Variants in PCDH8 observed in about 807,000 individuals in gnomAD.
PCDH8 encodes the protein protocadherin 8.
PCDH8 carries 36 observed loss-of-function variants against 58.2 expected under a neutral mutation model. That is an observed-to-expected ratio of 0.62 (90% CI 0.47 to 0.82). The LOEUF (loss-of-function observed/expected upper bound fraction) is 0.82. Among genes scored for constraint, PCDH8 ranks in the 40% least tolerant of loss-of-function variants. PCDH8 has a pLI of 0.00. For missense variants in PCDH8, 1,493 were observed against 1,567.8 expected, an observed-to-expected ratio of 0.95 and a Z score of 0.81; for synonymous variants, 775 against 728.9, an observed-to-expected ratio of 1.06 and a Z score of -1.02.
chr13:52,844,607 G>C lies in PCDH8; in HGVS notation c.3166C>G (p.Pro1056Ala), dbSNP rs756386702. Residue 1056 changes from proline (P) to alanine (A), a missense_variant, in exon 3 of 3, where the codon CCT becomes GCT. Physicochemically the swap from Pro to Ala is conservative, Grantham distance 27. Around this residue, in one of 3 missense-constraint regions of PCDH8, gnomAD observed 182 missense variants for 178.9 expected, o/e 1.02. Coordinates refer to ENST00000377942, the MANE Select transcript of PCDH8 (RefSeq NM_002590.4). ...TTCTTCGGGGACAGGTACCTGCCAG[G>C]AGGGGACTGGTAGAGGGGTACTCCA... ...EIGVPLYQSPPGRYLSPKKGA... is the reference protein window; with the variant it reads ...EIGVPLYQSPAGRYLSPKKGA... 1 of 1,611,076 alleles carries C rather than the reference G, an allele frequency of 6.2e-7. No homozygotes were observed. Among genetic ancestry groups the C allele is most frequent in the Admixed American group, 1.7e-5 (1 of 59,712 alleles).
chr13:52,847,074 G>C lies in PCDH8; in HGVS notation c.1363C>G (p.Leu455Val), dbSNP rs1416615870. 9.6e-6 allele frequency: 15 copies of C among 1,559,900 alleles called. No individual in the cohort carries two copies. Among genetic ancestry groups the C allele is most frequent in the Non-Finnish European group, 1.1e-5 (13 of 1,156,902 alleles). ...GSYLVVTAASLDRERIAEYNL... is the reference protein window; with the variant it reads ...GSYLVVTAASVDRERIAEYNL... ...TACTCGGCGATGCGTTCGCGGTCCA[G>C]CGACGCCGCGGTCACCACCAGGTAG... Residue 455 changes from leucine to valine, a missense_variant, in exon 1 of 3, where the codon CTG becomes GTG. Coordinates refer to ENST00000377942, the MANE Select transcript of PCDH8 (RefSeq NM_002590.4).
rs1965770067 is a variant in PCDH8 at position 52,847,898 on chromosome 13, G to C, written c.539C>G (p.Pro180Arg). 1 of 1,575,822 alleles carries C rather than the reference G, an allele frequency of 6.3e-7. No individual in the cohort carries two copies. The highest frequency in any genetic ancestry group is 2.3e-5 in the East Asian group (1 of 42,928). The change falls in exon 1 of 3, where the codon CCC becomes CGC. Residue 180 changes from proline (P) to arginine (R), a missense_variant. Pro to Arg is a moderately radical substitution (Grantham distance 103, BLOSUM62 -2). Around this residue, in one of 3 missense-constraint regions of PCDH8, gnomAD observed 1,307 missense variants for 1,362.7 expected, o/e 0.96. Transcript: ENST00000377942. ...QTVRLAEPHS[P>R]FRVELQTRAD... Reference sequence around the variant, plus strand: ...TCGCGTCTGCAGCTCCACGCGAAAGGGGCTGTGCGGCTCGGCCAGGCGCAC... The same window carrying C: ...TCGCGTCTGCAGCTCCACGCGAAAGCGGCTGTGCGGCTCGGCCAGGCGCAC...
Position 52,845,593 on chromosome 13 carries a change from G to A in PCDH8, c.2671C>T (p.Pro891Ser), listed in dbSNP as rs1409336576. 10 of 1,614,026 alleles carry A rather than the reference G, an allele frequency of 6.2e-6. No homozygotes were observed. The highest frequency in any genetic ancestry group is 6.8e-6 in the Non-Finnish European group (8 of 1,180,042). Residue 891 changes from proline to serine, a missense_variant, in exon 2 of 3, where the codon CCC (proline) becomes TCC (serine). Physicochemically the swap from Pro to Ser is moderately conservative, Grantham distance 74. Coordinates refer to ENST00000377942, the MANE Select transcript of PCDH8 (RefSeq NM_002590.4). Reference protein sequence around the residue: ...ASPGFGKEPAPPVAVWKGHSF... With the variant: ...ASPGFGKEPASPVAVWKGHSF... Reference sequence around the variant, plus strand: ...TGTCCTTTCCACACCGCCACAGGGGGCGCCGGCTCCTTTCCAAAACCCGGG... The same window carrying A: ...TGTCCTTTCCACACCGCCACAGGGGACGCCGGCTCCTTTCCAAAACCCGGG...
At chr13:52,845,245 T>G (rs1385687720) in intron 2 of PCDH8, among the ~76,000 whole-genome samples, 180 bp downstream of exon 2, 1 of 152,168 alleles carries the variant, frequency 6.6e-6, no homozygotes, top group Non-Finnish European at 1.5e-5. Flanking sequence ...GAGCTGGAGT[T>G]GCCTCGACTT....
Position 52,845,939 on chromosome 13 carries a change from C to A in PCDH8, c.2498G>T (p.Gly833Val). ...CGGAGGCGCGTCCGCCGCGGGGCTG[C>A]CAAAGGGCGCTTTGCCGGTGCCAGG... Reference protein sequence around the residue: ...TFPGTGKAPFGSPAADAPPPA... With the variant: ...TFPGTGKAPFVSPAADAPPPA... Residue 833 changes from glycine (G) to valine (V), a missense_variant, in exon 1 of 3, where the codon GGC becomes GTC. This residue lies in a region of PCDH8 where 1,307 missense variants were observed against 1,362.7 expected (regional missense o/e 0.96). Transcript: ENST00000377942. 6.7e-7 allele frequency: 1 copy of A among 1,487,454 alleles called. No individual in the cohort carries two copies. The allele number at this position is 1,487,454 out of a possible 1,614,324, so 92.1% of individuals were successfully genotyped here. A position where few individuals can be genotyped will look rare whatever the true frequency, so the allele number is the denominator to read the frequency against.
rs778575531 is a variant in PCDH8 at position 52,846,637 on chromosome 13, C to T, written c.1800G>A (p.Leu600=). 1.2e-6 allele frequency: 2 copies of T among 1,604,314 alleles called. No homozygotes were observed. Among genetic ancestry groups the T allele is most frequent in the Non-Finnish European group, 8.5e-7 (1 of 1,178,078 alleles). The change falls in exon 1 of 3, where the codon CTG becomes CTA. Residue 600 remains leucine (L), a synonymous_variant. Transcript: ENST00000377942. ...SSSALVQVRV[L]DQNDHAPVLV... ...GGACTGGCGCATGGTCGTTCTGGTC[C>T]AGCACGCGCACTTGCACTAGGGCGC...
rs958721184 is a variant in PCDH8 at position 52,844,290 on chromosome 13, G to C, written c.*270C>G. 1.5e-5 allele frequency: 4 copies of C among 268,508 alleles called. No homozygotes were observed. The highest frequency in any genetic ancestry group is 2.8e-5 in the Non-Finnish European group (4 of 142,452). The allele number at this position is 268,508 out of a possible 1,614,324, so 16.6% of individuals were successfully genotyped here. ...CAAACATTACATTACACAATGTACA[G>C]GTTAAAAACACTAAGAAAATGGCAA... On this transcript the variant is annotated 3_prime_UTR_variant, in exon 3 of 3. Transcript: ENST00000377942.
rs1191476859 is a variant in PCDH8 at position 52,847,501 on chromosome 13, CA to C, written c.935del (p.Val312GlyfsTer139). The C allele has an allele frequency of 8.2e-6, 13 of 1,588,702 alleles. No individual in the cohort carries two copies. The highest frequency in any genetic ancestry group is 1.1e-5 in the Non-Finnish European group (13 of 1,174,068). The stretch of plus-strand genomic sequence containing the variant: ...CGTAGGTGTCCTGACGCTCGTAGTC[CA>C]CGGGCCCGGCCAGGGTGAGGCGGCC... ...RSGRLTLAGPVDYERQDTYEL... is the reference protein window; with the variant it reads ...RSGRLTLAGPXDYERQDTYEL... On this transcript the variant is annotated frameshift_variant, in exon 1 of 3. Coordinates refer to ENST00000377942, the MANE Select transcript of PCDH8 (RefSeq NM_002590.4). LOFTEE classifies it high-confidence loss of function.
Position 52,848,116 on chromosome 13 carries a change from A to T in PCDH8, c.321T>A (p.Asp107Glu). Residue 107 changes from aspartate to glutamate, a missense_variant, in exon 1 of 3, where the codon GAT (aspartate) becomes GAA (glutamate). Coordinates refer to ENST00000377942, the MANE Select transcript of PCDH8 (RefSeq NM_002590.4). ...GQAPQCVLAF[D>E]VVSFSQEQFR... Reference sequence around the variant, plus strand: ...ACTGCTCCTGCGAGAAGCTGACCACATCGAAGGCCAGCACGCACTGCGGGG... The same window carrying T: ...ACTGCTCCTGCGAGAAGCTGACCACTTCGAAGGCCAGCACGCACTGCGGGG... The T allele has an allele frequency of 6.2e-7, 1 of 1,612,722 alleles. No individual in the cohort carries two copies. The highest frequency in any genetic ancestry group is 8.5e-7 in the Non-Finnish European group (1 of 1,179,764).
In PCDH8 at chr13:52,847,032, C is replaced by A. The variant is rs1260053046; in HGVS notation, c.1405G>T (p.Ala469Ser). 1.3e-6 allele frequency: 2 copies of A among 1,566,070 alleles called. No homozygotes were observed. Among genetic ancestry groups the A allele is most frequent in the Non-Finnish European group, 8.6e-7 (1 of 1,158,262 alleles). ...RIAEYNLTLV[A>S]EDRGAPPLRT... ...AGCGGGGGCGCGCCGCGATCCTCGG[C>A]CACCAGCGTCAAGTTGTACTCGGCG... Residue 469 changes from alanine (A) to serine (S), a missense_variant, in exon 1 of 3, where the codon GCC becomes TCC. Physicochemically the swap from Ala to Ser is moderately conservative, Grantham distance 99 (BLOSUM62 1). Transcript: ENST00000377942.
At position 52,847,662 on chromosome 13, in the gene PCDH8, C is replaced by T; in HGVS notation, c.775G>A (p.Ala259Thr). 7 of 1,568,764 alleles carry T rather than the reference C, an allele frequency of 4.5e-6. No homozygotes were observed. Among genetic ancestry groups the T allele is most frequent in the South Asian group, 1.2e-5 (1 of 86,428 alleles). Residue 259 changes from alanine to threonine, a missense_variant, in exon 1 of 3, where the codon GCG (alanine) becomes ACG (threonine). Ala to Thr is a moderately conservative substitution (Grantham distance 58, BLOSUM62 0). Transcript: ENST00000377942. ...TCGAGAAGCAGGGAGCCCACGGGCG[C>T]GTCTTCCGCCAGCTCCACTTCGGCC... ...AVAEVELAED[A>T]PVGSLLLDLD...
rs780338427 is a variant in PCDH8, at chr13:52,845,634, T to C, written c.2632-2A>G. On this transcript the variant is annotated splice_acceptor_variant, in intron 1 of 2. Coordinates refer to ENST00000377942, the MANE Select transcript of PCDH8 (RefSeq NM_002590.4). LOFTEE classifies it high-confidence loss of function. The stretch of plus-strand genomic sequence containing the variant: ...AAAACCCGGGGAGGCACCGTAGGGC[T>C]GCAGCAGGGAATAGGGGAATGGGAG... 1 of 1,613,790 alleles carries C rather than the reference T, an allele frequency of 6.2e-7. No individual in the cohort carries two copies. Among genetic ancestry groups the C allele is most frequent in the South Asian group, 1.1e-5 (1 of 91,070 alleles).
rs1965725101 is a variant in PCDH8, at chr13:52,845,971, G to A, written c.2466C>T (p.Leu822=). The change falls in exon 1 of 3, where the codon CTC becomes CTT. Residue 822 remains leucine, a synonymous_variant. Coordinates refer to ENST00000377942, the MANE Select transcript of PCDH8 (RefSeq NM_002590.4). ...GCGCTTTGCCGGTGCCAGGGAAGGT[G>A]AGCACGTCGAACATGTTGGGCCTGG... ...AGPRPNMFDV[L]TFPGTGKAPF... 4.0e-6 allele frequency: 6 copies of A among 1,492,936 alleles called. No individual in the cohort carries two copies. The highest frequency in any genetic ancestry group is 5.3e-6 in the Non-Finnish European group (6 of 1,134,554). The allele number at this position is 1,492,936 out of a possible 1,614,324, so 92.5% of individuals were successfully genotyped here. A position where few individuals can be genotyped will look rare whatever the true frequency, so the allele number is the denominator to read the frequency against.
At position 52,848,176 on chromosome 13, in the gene PCDH8, G is replaced by T. The variant is rs749013630; in HGVS notation, c.261C>A (p.Asp87Glu). 3.5e-5 allele frequency: 57 copies of T among 1,612,460 alleles called. No individual in the cohort carries two copies. The highest frequency in any genetic ancestry group is 4.8e-5 in the Non-Finnish European group (57 of 1,179,622). Reference sequence around the variant, plus strand: ...ACAGCCGCTCGCGGTCCAGGCCGGCGTCCCCGACGGTCAGCTGCCCGTCGC... The same window carrying T: ...ACAGCCGCTCGCGGTCCAGGCCGGCTTCCCCGACGGTCAGCTGCCCGTCGC... ...REGDGQLTVG[D>E]AGLDRERLCG... Residue 87 changes from aspartate (D) to glutamate (E), a missense_variant, in exon 1 of 3, where the codon GAC becomes GAA. Coordinates refer to ENST00000377942, the MANE Select transcript of PCDH8 (RefSeq NM_002590.4).
rs1965757096 is a variant in PCDH8, at chr13:52,847,320, C to T, written c.1117G>A (p.Ala373Thr). 2 of 1,412,186 alleles carry T rather than the reference C, an allele frequency of 1.4e-6. No individual in the cohort carries two copies. The highest frequency in any genetic ancestry group is 3.3e-5 in the Admixed American group (1 of 30,412). 87.5% of individuals were successfully genotyped at this position (1,412,186 alleles called of 1,614,324 possible). The change falls in exon 1 of 3, where the codon GCC becomes ACC. Residue 373 changes from alanine to threonine, a missense_variant. Ala to Thr is a moderately conservative substitution (Grantham distance 58). Coordinates refer to ENST00000377942, the MANE Select transcript of PCDH8 (RefSeq NM_002590.4). ...GAPATSPFAA[A>T]AAAAALGGAD... is the part of the protein sequence containing the mutation. ...CCCCCGAGTGCAGCGGCGGCGGCGG[C>T]AGCGGCGAAGGGTGAGGTTGCCGGC... is the stretch of plus-strand genomic sequence containing the variant.
chr13:52,846,436 G>A lies in PCDH8; in HGVS notation c.2001C>T (p.Arg667=), dbSNP rs1324453171. Residue 667 remains arginine, a synonymous_variant, in exon 1 of 3, where the codon CGC becomes CGT. Coordinates refer to ENST00000377942, the MANE Select transcript of PCDH8 (RefSeq NM_002590.4). ...EPREAFAIGR[R]TGEILLTGDL... Reference sequence around the variant, plus strand: ...CGCCGGTGAGCAGTATCTCCCCCGTGCGGCGGCCGATGGCGAAGGCTTCGC... The same window carrying A: ...CGCCGGTGAGCAGTATCTCCCCCGTACGGCGGCCGATGGCGAAGGCTTCGC... 1 of 1,599,688 alleles carries A rather than the reference G, an allele frequency of 6.3e-7. No homozygotes were observed. The highest frequency in any genetic ancestry group is 1.3e-5 in the African/African-American group (1 of 74,994).
Position 52,847,223 on chromosome 13 carries a change from GC to G in PCDH8, c.1213del (p.Ala405ArgfsTer46). ...CAGGGCCACCAGGCTCTCGCGCGCC[GC>G]CCCCTCCGGCACCAGCGAAGTGGCA... Reference protein sequence around the residue: ...AGATSLVPEGAARESLVALVS... With the variant: ...AGATSLVPEGXARESLVALVS... On this transcript the variant is annotated frameshift_variant, in exon 1 of 3. Transcript: ENST00000377942. LOFTEE classifies it high-confidence loss of function. 7.2e-7 allele frequency: 1 copy of G among 1,396,886 alleles called. No individual in the cohort carries two copies. Among genetic ancestry groups the G allele is most frequent in the Middle Eastern group, 2.0e-4 (1 of 4,904 alleles). 86.5% of individuals were successfully genotyped at this position (1,396,886 alleles called of 1,614,324 possible). A position where few individuals can be genotyped will look rare whatever the true frequency, so the allele number is the denominator to read the frequency against.
At position 52,848,427 on chromosome 13, in the gene PCDH8, C is replaced by A. The variant is rs1239967782; in HGVS notation, c.10G>T (p.Val4Leu). 1.2e-6 allele frequency: 2 copies of A among 1,600,736 alleles called. No homozygotes were observed. Among genetic ancestry groups the A allele is most frequent in the Non-Finnish European group, 1.7e-6 (2 of 1,175,590 alleles). The change falls in exon 1 of 3, where the codon GTG becomes TTG. Residue 4 changes from valine to leucine, a missense_variant. By Grantham distance (32) the Val-to-Leu change is conservative. Around this residue, in one of 3 missense-constraint regions of PCDH8, gnomAD observed 1,307 missense variants for 1,362.7 expected, o/e 0.96. Coordinates refer to ENST00000377942, the MANE Select transcript of PCDH8 (RefSeq NM_002590.4). ...AGGCAGGGGCTGCCCCAACGCCTCA[C>A]AGGACTCATGCCTCCAGCCTCAAGT... is the stretch of plus-strand genomic sequence containing the variant. MSP[V>L]RRWGSPCLFP...
At position 52,842,978 on chromosome 13, in the gene PCDH8, T is replaced by G. The variant is rs1437523177; in HGVS notation, c.*1582A>C. 6.6e-6 allele frequency: 1 copy of G among 152,250 alleles called. No individual in the cohort carries two copies. Among genetic ancestry groups the G allele is most frequent in the African/African-American group, 2.4e-5 (1 of 41,458 alleles). The allele number at this position is 152,250 out of a possible 1,614,324, so 9.4% of individuals were successfully genotyped here. A position where few individuals can be genotyped will look rare whatever the true frequency, so the allele number is the denominator to read the frequency against. On this transcript the variant is annotated 3_prime_UTR_variant, in exon 3 of 3. Coordinates refer to ENST00000377942, the MANE Select transcript of PCDH8 (RefSeq NM_002590.4). ...ATTAGCTGTGTGATTTTTGGCATTT[T>G]ATCTAACCTTCTTGTGCCTCGGTTT...
Sources: allele counts gnomAD v4.1 joint callset (sites outside exome capture counted in the v4.1 genomes callset), GRCh38; gene constraint gnomAD v4.1.1; regional missense constraint gnomAD v4.1.1; transcripts MANE v1.5; gene names NCBI Gene and HGNC (gene_info 2026-07-23, HGNC 2026-07-21).